The following DDX11 variants were observed in gnomAD, a reference collection of about 807,000 sequenced individuals.
DDX11 encodes the protein DEAD/H-box helicase 11.
Under a neutral mutation model 125.2 loss-of-function variants are expected in DDX11, and 72 were observed. The ratio of observed to expected loss-of-function variants is 0.58; its 90% CI spans 0.48 to 0.70. DDX11 has a LOEUF of 0.70. Among genes scored for constraint, DDX11 ranks in the 30% least tolerant of loss-of-function variants. DDX11 has a pLI of 0.00. For missense variants in DDX11, 883 were observed against 1,165.0 expected (o/e 0.76, Z 3.52); for synonymous variants, 347 against 452.6 (o/e 0.77, Z 2.96).
chr12:31,099,068 ATTTCTTTC>A (rs1319641629), intron 18 of DDX11, among the ~76,000 whole-genome samples: 15 of 105,528 alleles, frequency 1.4e-4, no homozygotes, highest in African/African-American at 5.4e-4. Context: ...CCATACTGGT[ATTTCTTTC>A]TTTCTTTCTT....
chr12:31,084,997 T>C lies in DDX11; in HGVS notation c.509T>C (p.Leu170Pro). Residue 170 changes from leucine to proline, a missense_variant, in exon 5 of 27, where the codon CTC (leucine) becomes CCC (proline). Around this residue, in one of 5 missense-constraint regions of DDX11, gnomAD observed 283 missense variants for 359.6 expected, o/e 0.79. Transcript: ENST00000542838. ...CAGGAAGAAGAAGAAAGAGAGAATC[T>C]CCTCCGCCTCAGCAGGGAGATGCTA... is the stretch of plus-strand genomic sequence containing the variant. ...LRQEEEEREN[L>P]LRLSREMLET... 1.2e-6 allele frequency: 2 copies of C among 1,610,144 alleles called. No homozygotes were observed. Among genetic ancestry groups the C allele is most frequent in the East Asian group, 2.2e-5 (1 of 44,788 alleles).
chr12:31,096,656 G>C lies in DDX11; in HGVS notation c.1541G>C (p.Arg514Pro). The C allele has an allele frequency of 6.2e-7, 1 of 1,613,696 alleles. No homozygotes were observed. The highest frequency in any genetic ancestry group is 8.5e-7 in the Non-Finnish European group (1 of 1,179,914). The change falls in exon 16 of 27, where the codon CGG becomes CCG. Residue 514 changes from arginine to proline, a missense_variant. Around this residue, in one of 5 missense-constraint regions of DDX11, gnomAD observed 241 missense variants for 279.7 expected, o/e 0.86. Transcript: ENST00000542838. Reference protein sequence around the residue: ...ISRKLFGFTERYGAVFSSREQ... With the variant: ...ISRKLFGFTEPYGAVFSSREQ... ...ACCCAGCTCTTTGGATTCACTGAAC[G>C]GTACGGAGCAGTGTTCTCATCCCGG... is the stretch of plus-strand genomic sequence containing the variant.
Position 31,102,459 on chromosome 12 carries a change from G to A in DDX11, c.2304G>A (p.Gly768=). ...ACGQERGQVT[G]ALLLSVVGGK... is the part of the protein sequence containing the mutation. ...GCCAGGAGAGAGGCCAGGTGACAGGGGCCCTGCTCCTCTCTGTGGTTGGAG... is the reference window on the plus strand; with the variant it reads ...GCCAGGAGAGAGGCCAGGTGACAGGAGCCCTGCTCCTCTCTGTGGTTGGAG... The change falls in exon 23 of 27, where the codon GGG becomes GGA. Residue 768 remains glycine (G), a synonymous_variant. Coordinates refer to ENST00000542838, the MANE Select transcript of DDX11 (RefSeq NM_030653.4). 1 of 1,614,118 alleles carries A rather than the reference G, an allele frequency of 6.2e-7. No homozygotes were observed. Among genetic ancestry groups the A allele is most frequent in the Non-Finnish European group, 8.5e-7 (1 of 1,179,962 alleles).
intron 2 of DDX11, among the ~76,000 whole-genome samples, chr12:31,083,594 T>C (rs1408174900): frequency 6.6e-6 from 1 of 152,198 alleles, no homozygotes; most frequent in Non-Finnish European, 1.5e-5. Context: ...TAAAGAAGCT[T>C]TTTCCTGCTT....
At chr12:31,084,208 G>A in intron 3 of DDX11, 147 bp downstream of exon 3, 1 of 1,126,636 alleles carries the variant, frequency 8.9e-7, no homozygotes, top group East Asian at 2.4e-5. Flanking sequence ...TGGGTCTATG[G>A]TGCTGCCGCT....
Position 31,094,938 on chromosome 12 carries a change from A to C in DDX11, c.1482+116A>C, listed in dbSNP as rs1274860884. On this transcript the variant is annotated intron_variant, in intron 14 of 26. Transcript: ENST00000542838. ...GAAAAAGCAAAACAGATGTGTAATT[A>C]CTTAACCCTTAACGCAACATGCCTG... is the stretch of plus-strand genomic sequence containing the variant. The C allele has an allele frequency of 2.6e-6, 3 of 1,140,922 alleles. No homozygotes were observed. In the African/African-American group the frequency reaches 4.6e-5, roughly 17 times the overall value. 70.7% of individuals were successfully genotyped at this position (1,140,922 alleles called of 1,614,324 possible). A position where few individuals can be genotyped will look rare whatever the true frequency, so the allele number is the denominator to read the frequency against.
At chr12:31,087,568 C>T (rs7308368) in intron 5 of DDX11, 176,992 of 349,294 alleles carry the variant, frequency 0.51, 47,447 homozygotes, top group East Asian at 0.81. Flanking sequence ...AGGCACAGAA[C>T]ATCCGAAGGC....
Position 31,091,733 on chromosome 12 carries a change from C to G in DDX11, c.1104C>G (p.Pro368=), listed in dbSNP as rs776195047. Residue 368 remains proline (P), a synonymous_variant, in exon 10 of 27, where the codon CCC becomes CCG. Transcript: ENST00000542838. The stretch of plus-strand genomic sequence containing the variant: ...TCCCCTCCCAGCTGGTGGTGCTGCC[C>G]TATCAGATGCTGCTGCATGCGGCCA... ...AIPAAQLVVL[P]YQMLLHAATR... 6 of 1,613,262 alleles carry G rather than the reference C, an allele frequency of 3.7e-6. No individual in the cohort carries two copies. In the South Asian group the frequency reaches 5.5e-5, roughly 15 times the overall value.
intron 18 of DDX11, among the ~76,000 whole-genome samples, chr12:31,100,094 A>G (rs916374659): frequency 2.0e-5 from 3 of 152,166 alleles, no homozygotes; most frequent in Non-Finnish European, 4.4e-5. Flanking sequence ...CCGGGGGCAC[A>G]TGCTGTTTGG....
At position 31,092,835 on chromosome 12, in the gene DDX11, T is replaced by C. The variant is rs1488924782; in HGVS notation, c.1243-11T>C. 1.2e-6 allele frequency: 2 copies of C among 1,613,726 alleles called. No individual in the cohort carries two copies. The highest frequency in any genetic ancestry group is 1.7e-6 in the Non-Finnish European group (2 of 1,179,778). On this transcript the variant is annotated splice_polypyrimidine_tract_variant and intron_variant, in intron 10 of 26. Transcript: ENST00000542838. The stretch of plus-strand genomic sequence containing the variant: ...TGCTTGCTCAGAGCCTGGTTTGTGT[T>C]CTTTCCCCAGCTCTGCCAGGCCCAT...
At chr12:31,098,773 G>T (rs893611848) in intron 18 of DDX11, among the ~76,000 whole-genome samples, 1 of 152,204 alleles carries the variant, frequency 6.6e-6, no homozygotes, top group Admixed American at 6.5e-5. Flanking sequence ...CATATTAAAA[G>T]TTGTTTACAG....
chr12:31,083,673 T>G, intron 2 of DDX11, 140 bp from the exon 3 acceptor site: 6 of 1,127,412 alleles, frequency 5.3e-6, no homozygotes, highest in Non-Finnish European at 7.8e-6. Context: ...ATTTCCTTCC[T>G]TTCCTTTCCT....
At chr12:31,087,042 G>A (rs1294667990) in intron 5 of DDX11, among the ~76,000 whole-genome samples, 3 of 149,194 alleles carry the variant, frequency 2.0e-5, no homozygotes, top group South Asian at 2.2e-4. Flanking sequence ...CATAGGTAGC[G>A]TGTGCCTGTC....
Position 31,100,915 on chromosome 12 carries a change from G to A in DDX11, c.1949-112G>A, listed in dbSNP as rs554772359. 72 of 1,150,802 alleles carry A rather than the reference G, an allele frequency of 6.3e-5. 1 individual carries two copies. The highest frequency in any genetic ancestry group is 6.1e-5 in the South Asian group (5 of 81,360). 71.3% of individuals were successfully genotyped at this position (1,150,802 alleles called of 1,614,324 possible). On this transcript the variant is annotated intron_variant, in intron 19 of 26. Transcript: ENST00000542838. ...GACTGGTGATGGTGGGCGGGTGAGC[G>A]CTGTCAGTCGCTGTTCCTGTGCTGG...
intron 9 of DDX11, 103 bp downstream of exon 9, chr12:31,090,197 G>A (rs2075319): frequency 0.33 from 293,138 of 897,276 alleles, 57,254 homozygotes; most frequent in East Asian, 0.78. Context: ...GCCCCCCACC[G>A]TGGTCAGGTT....
chr12:31,103,319 C>T lies in DDX11; in HGVS notation c.2460C>T (p.Pro820=). 2.5e-6 allele frequency: 4 copies of T among 1,610,872 alleles called. No homozygotes were observed. The highest frequency in any genetic ancestry group is 2.5e-6 in the Non-Finnish European group (3 of 1,179,582). Reference sequence around the variant, plus strand: ...TGGGTCTTCCCCTTCACTCCCAGCCCAGAGCCCCCGGCCAGGCACCCCCAG... The same window carrying T: ...TGGGTCTTCCCCTTCACTCCCAGCCTAGAGCCCCCGGCCAGGCACCCCCAG... The part of the protein sequence containing the change: ...EKMAYLDQTL[P]RAPGQAPPGK... The change falls in exon 25 of 27, where the codon CCC becomes CCT. Residue 820 remains proline, a splice_region_variant and synonymous_variant. Transcript: ENST00000542838.
chr12:31,103,695 A>C lies in DDX11; in HGVS notation c.2655A>C (p.Lys885Asn). The C allele has an allele frequency of 5.0e-6, 8 of 1,613,902 alleles. No homozygotes were observed. The highest frequency in any genetic ancestry group is 6.8e-6 in the Non-Finnish European group (8 of 1,179,988). Residue 885 changes from lysine (K) to asparagine (N), a missense_variant, in exon 26 of 27, where the codon AAA becomes AAC. Physicochemically the swap from Lys to Asn is moderately conservative, Grantham distance 94. Coordinates refer to ENST00000542838, the MANE Select transcript of DDX11 (RefSeq NM_030653.4). ...GGATCCGAGCCCGTGTGGAGGTCAAAGCTACCTTTGGCCCCGCCATTGCTG... is the reference window on the plus strand; with the variant it reads ...GGATCCGAGCCCGTGTGGAGGTCAACGCTACCTTTGGCCCCGCCATTGCTG... ...PAWIRARVEV[K>N]ATFGPAIAAV...
Position 31,074,017 on chromosome 12 carries a change from G to A in DDX11, c.-79G>A, listed in dbSNP as rs1222931743. The stretch of plus-strand genomic sequence containing the variant: ...GCAGAGCTCCTTAGGACGAGGAGCA[G>A]CGGGACGAGGAAGGGCAGACTGGTG... On this transcript the variant is annotated 5_prime_UTR_variant, in exon 1 of 27. Coordinates refer to ENST00000542838, the MANE Select transcript of DDX11 (RefSeq NM_030653.4). The A allele has an allele frequency of 6.6e-6, 1 of 152,362 alleles. No individual in the cohort carries two copies. Among genetic ancestry groups the A allele is most frequent in the Non-Finnish European group, 1.5e-5 (1 of 68,128 alleles). The allele number at this position is 152,362 out of a possible 1,614,324, so 9.4% of individuals were successfully genotyped here.
At chr12:31,084,519 C>T in intron 3 of DDX11, 64 bp from the exon 4 acceptor site, 1 of 1,443,110 alleles carries the variant, frequency 6.9e-7, no homozygotes, top group Non-Finnish European at 9.6e-7. Context: ...GTGGCCCAGA[C>T]TCCTTAGGAG....
Sources: allele counts gnomAD v4.1 joint callset (sites outside exome capture counted in the v4.1 genomes callset), GRCh38; gene constraint gnomAD v4.1.1; regional missense constraint gnomAD v4.1.1; transcripts MANE v1.5; gene names NCBI Gene and HGNC (gene_info 2026-07-23, HGNC 2026-07-21).